Variants in WWP1 observed in about 807,000 individuals in gnomAD.
WWP1 encodes the protein WW domain containing E3 ubiquitin protein ligase 1.
In WWP1, 49 loss-of-function variants were observed where a neutral mutation model predicts 130.6. The ratio of observed to expected loss-of-function variants is 0.38; its 90% CI spans 0.30 to 0.48. The LOEUF (loss-of-function observed/expected upper bound fraction) is 0.48. Ranked by LOEUF, WWP1 falls within the 20% of genes least tolerant of loss-of-function variation. WWP1 has a pLI of 0.99. For synonymous variants in WWP1, 332 were observed against 367.8 expected, an observed-to-expected ratio of 0.90 and a Z score of 1.11; for missense variants, 809 against 1,100.6, an observed-to-expected ratio of 0.74 and a Z score of 3.75.
chr8:86,351,924 CAA>C (rs932821676), intron 1 of WWP1, among the ~76,000 whole-genome samples: 3 of 151,744 alleles, frequency 2.0e-5, no homozygotes, highest in African/African-American at 7.3e-5. Context: ...GCAAATATCT[CAA>C]GAGATTTTAT....
chr8:86,348,632 C>T (rs920830565), intron 1 of WWP1, among the ~76,000 whole-genome samples: 3 of 152,148 alleles, frequency 2.0e-5, no homozygotes, highest in Non-Finnish European at 4.4e-5. Flanking sequence ...AGATATGAAG[C>T]CTTTCCTCTT....
At chr8:86,401,025 T>C (rs1408305974) in intron 7 of WWP1, among the ~76,000 whole-genome samples, 1 of 151,682 alleles carries the variant, frequency 6.6e-6, no homozygotes, top group Non-Finnish European at 1.5e-5. Flanking sequence ...TTTTTTTTTT[T>C]AAACACTGTG....
At chr8:86,390,133 G>A (rs1188558854) in intron 5 of WWP1, among the ~76,000 whole-genome samples, 3 of 151,590 alleles carry the variant, frequency 2.0e-5, no homozygotes, top group African/African-American at 7.3e-5. Context: ...CATCTCAGAC[G>A]ATGGGCAGCC....
chr8:86,430,798 CATATATATATATATATATAT>C (rs36226595), intron 12 of WWP1, 47 bp downstream of exon 12: 20 of 202,386 alleles, frequency 9.9e-5, no homozygotes, highest in African/African-American at 3.7e-4. Flanking sequence ...TATATCTCTC[CATATATATATATATATATAT>C]ATATATATAT....
intron 1 of WWP1, among the ~76,000 whole-genome samples, chr8:86,361,339 T>G (rs531487216): frequency 6.6e-6 from 1 of 152,316 alleles, no homozygotes; most frequent in East Asian, 1.9e-4. Context: ...CCACCACTTA[T>G]AGATTCTGCT....
intron 16 of WWP1, among the ~76,000 whole-genome samples, chr8:86,438,061 A>C (rs1480823593): frequency 6.6e-6 from 1 of 152,180 alleles, no homozygotes; most frequent in Non-Finnish European, 1.5e-5. Flanking sequence ...TGGCCTTCCA[A>C]AGTGCTGGGA....
At chr8:86,364,148 T>A (rs925354775) in intron 1 of WWP1, among the ~76,000 whole-genome samples, 7 of 152,204 alleles carry the variant, frequency 4.6e-5, no homozygotes, top group African/African-American at 1.7e-4. Flanking sequence ...TTAATGAGAA[T>A]GAAAAGAGAA....
At chr8:86,364,145 G>C (rs1042839766) in intron 1 of WWP1, among the ~76,000 whole-genome samples, 8 of 152,200 alleles carry the variant, frequency 5.3e-5, no homozygotes. Context: ...GAATTAATGA[G>C]AATGAAAAGA....
chr8:86,458,657 C>T (rs1282730523), intron 22 of WWP1, among the ~76,000 whole-genome samples: 1 of 152,144 alleles, frequency 6.6e-6, no homozygotes, highest in Non-Finnish European at 1.5e-5. Flanking sequence ...CTCTTTTGAG[C>T]AACTTAGTGA....
chr8:86,425,996 CAG>C lies in WWP1; in HGVS notation c.1157+680_1157+681del, dbSNP rs546592758. ...TTCTTACATACTCAGATTTCCCTTC[CAG>C]ATTCAATTTAAAGCCCACCATTTTA... On this transcript the variant is annotated intron_variant, in intron 10 of 24. Transcript: ENST00000517970. 1.9e-3 allele frequency among the ~76,000 whole-genome samples: 282 copies of C among 152,260 alleles called. 1 individual carries two copies. Among genetic ancestry groups the C allele is most frequent in the Middle Eastern group, 6.8e-3 (2 of 294 alleles).
chr8:86,397,158 T>C (rs1807725301), intron 5 of WWP1, among the ~76,000 whole-genome samples: 1 of 152,200 alleles, frequency 6.6e-6, no homozygotes, highest in Non-Finnish European at 1.5e-5. Context: ...TGCCCAAATT[T>C]GTTAAATATA....
rs548253714 is a variant in WWP1 at position 86,423,847 on chromosome 8, G to A, written c.1062-1376G>A. Among the ~76,000 whole-genome samples the A allele has an allele frequency of 7.8e-5, 11 of 140,970 alleles. No individual in the cohort carries two copies. In the South Asian group the frequency reaches 1.9e-3, roughly 24 times the overall value. 92.5% of individuals were successfully genotyped at this position (140,970 alleles called of 152,430 possible). On this transcript the variant is annotated intron_variant, in intron 9 of 24. Transcript: ENST00000517970. ...ACCTCCCGGACGGGGCGGCGGCTGG[G>A]CAGAGGCGCCCCCCACCTCCCTCCC...
At chr8:86,445,966 CT>C (rs1810840652) in intron 18 of WWP1, among the ~76,000 whole-genome samples, 1 of 113,150 alleles carries the variant, frequency 8.8e-6, no homozygotes, top group African/African-American at 3.7e-5. Context: ...CTTTTCTTTT[CT>C]TTTCTTTTCT....
At chr8:86,438,394 A>G (rs1001431814) in intron 16 of WWP1, among the ~76,000 whole-genome samples, 191 bp from the exon 17 acceptor site, 1 of 152,196 alleles carries the variant, frequency 6.6e-6, no homozygotes, top group Non-Finnish European at 1.5e-5. Flanking sequence ...GTGAGTCAGG[A>G]AAAGCTTAAC....
In WWP1 at chr8:86,426,320, G is replaced by C. The variant is rs1809624013; in HGVS notation, c.1157+1002G>C. Among the ~76,000 whole-genome samples the C allele has an allele frequency of 2.0e-5, 3 of 152,076 alleles. No homozygotes were observed. The South Asian group carries it at 6.2e-4, about 31-fold the overall frequency. ...GAGGTTGTCTTTAATTTCATCTTTA[G>C]CGTCTATTATTCTCTTTGTGACCCC... On this transcript the variant is annotated intron_variant, in intron 10 of 24. Coordinates refer to ENST00000517970, the MANE Select transcript of WWP1 (RefSeq NM_007013.4).
chr8:86,362,799 C>T (rs1823747249), intron 1 of WWP1, among the ~76,000 whole-genome samples: 1 of 152,034 alleles, frequency 6.6e-6, no homozygotes, highest in South Asian at 2.1e-4. Flanking sequence ...CAGAAATTTA[C>T]ATCAGAAATT....
chr8:86,441,583 G>A (rs1182248940), intron 17 of WWP1, among the ~76,000 whole-genome samples: 1 of 151,458 alleles, frequency 6.6e-6, no homozygotes, highest in Admixed American at 6.6e-5. Context: ...CACTCGACCT[G>A]CAATCCTGCC....
chr8:86,365,154 C>T (rs1370414630), intron 1 of WWP1, among the ~76,000 whole-genome samples: 7 of 152,164 alleles, frequency 4.6e-5, no homozygotes, highest in African/African-American at 1.7e-4. Flanking sequence ...AATGTATTAA[C>T]TCCCTCTGGT....
intron 17 of WWP1, 37 bp downstream of exon 17, chr8:86,438,710 A>G (rs1810429879): frequency 1.3e-6 from 2 of 1,498,546 alleles, no homozygotes; most frequent in African/African-American, 2.8e-5. Flanking sequence ...TGAAATAAGT[A>G]TATCTCATTG....
Sources: allele counts gnomAD v4.1 joint callset (sites outside exome capture counted in the v4.1 genomes callset), GRCh38; gene constraint gnomAD v4.1.1; transcripts MANE v1.5; gene names NCBI Gene and HGNC (gene_info 2026-07-23, HGNC 2026-07-21).